Variants in TBC1D2B observed in about 807,000 individuals in gnomAD.
The protein encoded by TBC1D2B is TBC1 domain family member 2B.
Under a neutral mutation model 100.8 loss-of-function variants are expected in TBC1D2B, and 64 were observed. The observed-to-expected ratio is 0.64, with a 90% CI of 0.52 to 0.78. The LOEUF is 0.78. Among genes scored for constraint, TBC1D2B ranks in the 30% least tolerant of loss-of-function variants. The pLI is 0.00. For missense variants in TBC1D2B, 1,052 were observed against 1,218.4 expected, an observed-to-expected ratio of 0.86 and a Z score of 2.03; for synonymous variants, 480 against 479.7, an observed-to-expected ratio of 1.00 and a Z score of -0.01.
At chr15:78,053,178 T>G (rs929256440) in intron 2 of TBC1D2B, among the ~76,000 whole-genome samples, 1 of 152,212 alleles carries the variant, frequency 6.6e-6, no homozygotes, top group African/African-American at 2.4e-5. Context: ...GCAACTCGGA[T>G]GCAGCCCTGT....
intron 1 of TBC1D2B, among the ~76,000 whole-genome samples, chr15:78,069,834 C>CACCT (rs1311878875): frequency 6.6e-6 from 1 of 152,164 alleles, no homozygotes; most frequent in African/African-American, 2.4e-5. Flanking sequence ...TAGAAGGCAC[C>CACCT]ACCTCTAAAG....
intron 4 of TBC1D2B, among the ~76,000 whole-genome samples, chr15:78,027,276 A>G (rs1335518298): frequency 6.6e-6 from 1 of 152,176 alleles, no homozygotes; most frequent in African/African-American, 2.4e-5. Flanking sequence ...GCTGGTTCCT[A>G]GGGTGCTGGC....
At chr15:78,050,803 G>GA (rs1318931571) in intron 2 of TBC1D2B, among the ~76,000 whole-genome samples, 1 of 152,026 alleles carries the variant, frequency 6.6e-6, no homozygotes, top group African/African-American at 2.4e-5. Context: ...ACAGATTCTA[G>GA]AAAAAAAATT....
intron 1 of TBC1D2B, among the ~76,000 whole-genome samples, chr15:78,054,914 G>C (rs1440499040): frequency 2.6e-5 from 4 of 151,880 alleles, no homozygotes. Context: ...ATTCATAATT[G>C]CCAAAAAAAA....
At chr15:78,042,617 G>A (rs985768721) in intron 3 of TBC1D2B, among the ~76,000 whole-genome samples, 2 of 152,078 alleles carry the variant, frequency 1.3e-5, no homozygotes, top group African/African-American at 2.4e-5. Flanking sequence ...TGTGCCTCCC[G>A]GATGACCCCT....
At chr15:78,018,346 G>A (rs1259538988) in intron 6 of TBC1D2B, among the ~76,000 whole-genome samples, 1 of 151,898 alleles carries the variant, frequency 6.6e-6, no homozygotes, top group Non-Finnish European at 1.5e-5. Flanking sequence ...TAGAGAAACT[G>A]AACATATTTT....
At chr15:78,027,313 T>G (rs1314266148) in intron 4 of TBC1D2B, among the ~76,000 whole-genome samples, 1 of 152,198 alleles carries the variant, frequency 6.6e-6, no homozygotes, top group East Asian at 1.9e-4. Flanking sequence ...AAGTGAGTGC[T>G]GGTTTCATGG....
intron 3 of TBC1D2B, among the ~76,000 whole-genome samples, chr15:78,033,739 G>A (rs1179293703): frequency 6.6e-6 from 1 of 152,182 alleles, no homozygotes. Flanking sequence ...GTTTTCTGAG[G>A]TGGATTAAAG....
rs11630083 is a variant in TBC1D2B, at chr15:78,068,831, T to C, written c.360+8462A>G. Among the ~76,000 whole-genome samples, 521 of 152,342 alleles carry C rather than the reference T, an allele frequency of 3.4e-3. 1 individual carries two copies. Among genetic ancestry groups the C allele is most frequent in the Admixed American group, 8.2e-3 (126 of 15,304 alleles). On this transcript the variant is annotated intron_variant, in intron 1 of 12. Transcript: ENST00000300584. ...CACTACCCAGTTTACCATTTCCACATTGCATTCACTCTGTGAAAGCAAACA... is the reference window on the plus strand; with the variant it reads ...CACTACCCAGTTTACCATTTCCACACTGCATTCACTCTGTGAAAGCAAACA...
At chr15:78,065,967 C>T (rs1356199747) in intron 1 of TBC1D2B, 2 of 469,730 alleles carry the variant, frequency 4.3e-6, no homozygotes, top group Non-Finnish European at 8.8e-6. Context: ...GATGGTCGTC[C>T]TATATCATTG....
At chr15:78,047,594 C>T (rs2073225011) in intron 2 of TBC1D2B, among the ~76,000 whole-genome samples, 1 of 152,058 alleles carries the variant, frequency 6.6e-6, no homozygotes, top group South Asian at 2.1e-4. Flanking sequence ...ACTAGGGTTG[C>T]CTTTAAGATT....
chr15:78,062,101 C>G (rs540975564), intron 1 of TBC1D2B, among the ~76,000 whole-genome samples: 93 of 152,262 alleles, frequency 6.1e-4, no homozygotes, highest in African/African-American at 2.2e-3. Context: ...CTGTAAGCCC[C>G]GGAGCTGCTT....
chr15:78,019,904 G>T (rs548455432), intron 6 of TBC1D2B, among the ~76,000 whole-genome samples: 5 of 150,462 alleles, frequency 3.3e-5, no homozygotes, highest in African/African-American at 9.7e-5. Context: ...AAAAAAAAGG[G>T]GGGGGGAGAC....
chr15:78,037,311 A>C (rs987890346), intron 3 of TBC1D2B, among the ~76,000 whole-genome samples: 8 of 152,102 alleles, frequency 5.3e-5, no homozygotes, highest in Non-Finnish European at 1.2e-4. Context: ...GTGTCCTTGC[A>C]CTTGCATTCC....
In TBC1D2B at chr15:77,997,041, T is replaced by C. The variant is rs927076122; in HGVS notation, c.*1119A>G. On this transcript the variant is annotated 3_prime_UTR_variant, in exon 13 of 13. Transcript: ENST00000300584. ...AGAACAAGGATGTTCCAGGCAGTGG[T>C]GGGGTGGGCACACATCTGGGAGAGC... The C allele has an allele frequency of 1.3e-5, 2 of 152,196 alleles. No individual in the cohort carries two copies. The highest frequency in any genetic ancestry group is 2.4e-5 in the African/African-American group (1 of 41,446). The allele number at this position is 152,196 out of a possible 1,614,324, so 9.4% of individuals were successfully genotyped here. A position where few individuals can be genotyped will look rare whatever the true frequency, so the allele number is the denominator to read the frequency against.
chr15:78,026,819 T>G (rs2072680723), intron 4 of TBC1D2B, among the ~76,000 whole-genome samples: 1 of 151,046 alleles, frequency 6.6e-6, no homozygotes, highest in African/African-American at 2.4e-5. Flanking sequence ...GAGAATCACT[T>G]GAACCCGGGA....
rs760766681 is a variant in TBC1D2B at position 78,025,340 on chromosome 15, C to A, written c.1005G>T (p.Lys335Asn). ...TSGSGSVSIR[K>N]PASEMQLQVQ... The stretch of plus-strand genomic sequence containing the variant: ...CCTGCAGTTGCATTTCGGAGGCCGG[C>A]TTCCTGATGCTGACGCTGCCACTGC... Residue 335 changes from lysine (K) to asparagine (N), a missense_variant, in exon 5 of 13, where the codon AAG becomes AAT. Lys to Asn is a moderately conservative substitution (Grantham distance 94). Around this residue, in one of 4 missense-constraint regions of TBC1D2B, gnomAD observed 627 missense variants for 646.1 expected, o/e 0.97. Transcript: ENST00000300584. The A allele has an allele frequency of 1.9e-6, 3 of 1,613,942 alleles. No individual in the cohort carries two copies. In the South Asian group the frequency reaches 3.3e-5, roughly 18 times the overall value.
chr15:78,035,247 A>C, intron 3 of TBC1D2B, among the ~76,000 whole-genome samples: 1 of 152,254 alleles, frequency 6.6e-6, no homozygotes, highest in East Asian at 1.9e-4. Flanking sequence ...CATCGTTAAG[A>C]AAACCTCTTT....
At chr15:78,060,382 A>C (rs1457022737) in intron 1 of TBC1D2B, among the ~76,000 whole-genome samples, 2 of 152,126 alleles carry the variant, frequency 1.3e-5, no homozygotes, top group Non-Finnish European at 2.9e-5. Context: ...TCATGCCAGT[A>C]ATCTTAGCCC....
Sources: gnomAD v4.1 joint callset for allele counts (sites outside exome capture counted in the v4.1 genomes callset) on GRCh38, gnomAD v4.1.1 for gene constraint, gnomAD v4.1.1 regional missense constraint, MANE v1.5 for transcripts, NCBI Gene and HGNC (gene_info 2026-07-23, HGNC 2026-07-21) for gene names.